Variants in PPP6R3 observed in about 807,000 individuals in gnomAD.
PPP6R3 encodes serine/threonine-protein phosphatase 6 regulatory subunit 3.
Under a neutral mutation model 110.7 loss-of-function variants are expected in PPP6R3, and 38 were observed. The ratio of observed to expected loss-of-function variants is 0.34; its 90% CI spans 0.26 to 0.45. The LOEUF (loss-of-function observed/expected upper bound fraction) is 0.45, where lower values mean the gene tolerates loss of function less well. PPP6R3 is among the 20% of genes least tolerant of loss of function. PPP6R3 has a pLI of 1.00. For synonymous variants in PPP6R3, 369 were observed against 373.5 expected (o/e 0.99, Z 0.14); for missense variants, 870 against 1,062.4 (o/e 0.82, Z 2.52).
rs770018481 is a variant in PPP6R3, at chr11:68,574,201, C to T, written c.1436C>T (p.Ala479Val). ...AGCACTGACAAGGGCCCCAACAGTG[C>T]ATTAGTGCAGCAGCTTATCAAAGGT... is the stretch of plus-strand genomic sequence containing the variant. The part of the protein sequence containing the change: ...VHSTDKGPNS[A>V]LVQQLIKDLP... The change falls in exon 13 of 24, where the codon GCA (alanine) becomes GTA (valine). Residue 479 changes from alanine (A) to valine (V), a missense_variant. Ala to Val is a moderately conservative substitution (Grantham distance 64, BLOSUM62 0). Coordinates refer to ENST00000393800, the MANE Select transcript of PPP6R3 (RefSeq NM_001164161.2). 7 of 1,613,610 alleles carry T rather than the reference C, an allele frequency of 4.3e-6. No individual in the cohort carries two copies. In the East Asian group the frequency reaches 8.9e-5, roughly 21 times the overall value.
At position 68,544,828 on chromosome 11, in the gene PPP6R3, GT is replaced by G; in HGVS notation, c.228-8del. ...ATAAAGATGATGATGTAAATATCCT[GT>G]TCTTCTAGGTATCCAAATATATCTT... On this transcript the variant is annotated splice_polypyrimidine_tract_variant and intron_variant, in intron 3 of 23. Coordinates refer to ENST00000393800, the MANE Select transcript of PPP6R3 (RefSeq NM_001164161.2). The G allele has an allele frequency of 1.3e-6, 2 of 1,557,676 alleles. No homozygotes were observed. The highest frequency in any genetic ancestry group is 1.1e-5 in the South Asian group (1 of 87,610).
At chr11:68,475,782 A>T (rs1456190308) in intron 1 of PPP6R3, among the ~76,000 whole-genome samples, 1 of 150,830 alleles carries the variant, frequency 6.6e-6, no homozygotes, top group Non-Finnish European at 1.5e-5. Flanking sequence ...CACTTCTCAG[A>T]CGGGGTGGCT....
intron 1 of PPP6R3, among the ~76,000 whole-genome samples, chr11:68,518,739 T>G (rs2099149291): frequency 6.6e-6 from 1 of 152,222 alleles, no homozygotes; most frequent in Non-Finnish European, 1.5e-5. Context: ...ATTATCTTAC[T>G]TGAGGGAAAA....
At chr11:68,509,915 A>C (rs1371724116) in intron 1 of PPP6R3, among the ~76,000 whole-genome samples, 1 of 150,366 alleles carries the variant, frequency 6.7e-6, no homozygotes, top group Non-Finnish European at 1.5e-5. Context: ...ACACTCGGCA[A>C]ATTTTTTTTT....
chr11:68,502,991 T>C (rs1176820076), intron 1 of PPP6R3, among the ~76,000 whole-genome samples: 1 of 152,226 alleles, frequency 6.6e-6, no homozygotes, highest in Admixed American at 6.5e-5. Flanking sequence ...TTGCCCAGGC[T>C]GGAGTGCAGT....
chr11:68,567,003 T>A lies in PPP6R3; in HGVS notation c.976-11T>A, dbSNP rs1394187209. ...TAACTGAATTTAATTGGAAAGCTTT[T>A]TCTTCTTCAGAAAAGTGTGATGAAG... is the stretch of plus-strand genomic sequence containing the variant. On this transcript the variant is annotated splice_polypyrimidine_tract_variant and intron_variant, in intron 9 of 23. Coordinates refer to ENST00000393800, the MANE Select transcript of PPP6R3 (RefSeq NM_001164161.2). 6.5e-7 allele frequency: 1 copy of A among 1,537,968 alleles called. No individual in the cohort carries two copies. Among genetic ancestry groups the A allele is most frequent in the Admixed American group, 2.1e-5 (1 of 47,692 alleles).
At chr11:68,465,161 C>A (rs2098736998) in intron 1 of PPP6R3, among the ~76,000 whole-genome samples, 1 of 152,186 alleles carries the variant, frequency 6.6e-6, no homozygotes, top group Admixed American at 6.5e-5. Context: ...GGATTACAGG[C>A]GTGAGCCACC....
intron 2 of PPP6R3, among the ~76,000 whole-genome samples, chr11:68,526,108 T>G (rs1256469558): frequency 6.6e-6 from 1 of 152,226 alleles, no homozygotes; most frequent in Non-Finnish European, 1.5e-5. Context: ...CTCCTCCAGT[T>G]ACCTGTTGCT....
In PPP6R3 at chr11:68,512,208, G is replaced by A. The variant is rs550125188; in HGVS notation, c.-157-7293G>A. ...ATAACAAAATATCATAGGCTGGGTG[G>A]CTTAAACAACAGAAATTTATTTTCT... On this transcript the variant is annotated intron_variant, in intron 1 of 23. Transcript: ENST00000393800. Among the ~76,000 whole-genome samples the A allele has an allele frequency of 5.3e-5, 8 of 152,292 alleles. No homozygotes were observed. In the South Asian group the frequency reaches 1.7e-3, roughly 32 times the overall value.
At chr11:68,612,794 G>A in intron 23 of PPP6R3, 1 of 488,326 alleles carries the variant, frequency 2.0e-6, no homozygotes, top group Non-Finnish European at 3.6e-6. Flanking sequence ...TGTGCTTCTT[G>A]GAGGCCGCGG....
chr11:68,613,109 C>T lies in PPP6R3; in HGVS notation c.2614C>T (p.Pro872Ser). The T allele has an allele frequency of 6.2e-7, 1 of 1,614,022 alleles. No individual in the cohort carries two copies. The highest frequency in any genetic ancestry group is 1.3e-5 in the African/African-American group (1 of 75,010). Residue 872 changes from proline (P) to serine (S), a missense_variant, in exon 24 of 24, where the codon CCT (proline) becomes TCT (serine). Pro to Ser is a moderately conservative substitution (Grantham distance 74). Transcript: ENST00000393800. The part of the protein sequence containing the change: ...SAPGDTSVNG[P>S]V ...ACCAGGTGACACTTCAGTGAATGGC[C>T]CTGTATGACGGGTGACGTCTGCTGC...
intron 18 of PPP6R3, among the ~76,000 whole-genome samples, chr11:68,595,347 C>A (rs1172618305): frequency 1.3e-5 from 2 of 151,304 alleles, no homozygotes; most frequent in Non-Finnish European, 2.9e-5. Flanking sequence ...TCTGGAGTAG[C>A]TGGAATTACA....
At chr11:68,595,021 A>G (rs967451231) in intron 18 of PPP6R3, among the ~76,000 whole-genome samples, 2 of 152,120 alleles carry the variant, frequency 1.3e-5, no homozygotes, top group Admixed American at 6.5e-5. Context: ...TCCATATTCA[A>G]AAAAGTGAAC....
rs550898994 is a variant in PPP6R3, at chr11:68,557,579, C to T, written c.732-987C>T. Among the ~76,000 whole-genome samples, 8 of 152,062 alleles carry T rather than the reference C, an allele frequency of 5.3e-5. No individual in the cohort carries two copies. The East Asian group carries it at 7.7e-4, about 15-fold the overall frequency. ...TGTCACCCAGGCTGGAGTGCAGTGG[C>T]GCGATCTCAGCTTACCGCAACCTCT... On this transcript the variant is annotated intron_variant, in intron 7 of 23. Coordinates refer to ENST00000393800, the MANE Select transcript of PPP6R3 (RefSeq NM_001164161.2).
chr11:68,492,991 C>G (rs2098993207), intron 1 of PPP6R3, among the ~76,000 whole-genome samples: 1 of 152,170 alleles, frequency 6.6e-6, no homozygotes, highest in East Asian at 1.9e-4. Flanking sequence ...TTATTTTCCA[C>G]ACTGTTTCTT....
chr11:68,558,817 A>G, intron 8 of PPP6R3, 138 bp downstream of exon 8: 1 of 640,764 alleles, frequency 1.6e-6, no homozygotes, highest in Non-Finnish European at 2.7e-6. Flanking sequence ...TATAAACCAT[A>G]GCCTAATTTT....
chr11:68,508,865 T>G (rs774893880), intron 1 of PPP6R3, among the ~76,000 whole-genome samples: 1 of 151,458 alleles, frequency 6.6e-6, no homozygotes, highest in African/African-American at 2.4e-5. Flanking sequence ...GTTGTATGAC[T>G]GTTGAGAAAA....
intron 18 of PPP6R3, among the ~76,000 whole-genome samples, chr11:68,594,322 A>AAGAGAGAGAGAGAGAG (rs535164223): frequency 1.3e-4 from 16 of 125,468 alleles, no homozygotes; most frequent in African/African-American, 2.7e-4. Context: ...GAGAGAGAAA[A>AAGAGAGAGAGAGAGAG]AGAGAGAGAG....
At chr11:68,604,479 C>G (rs148534062) in intron 22 of PPP6R3, among the ~76,000 whole-genome samples, 17 of 152,172 alleles carry the variant, frequency 1.1e-4, no homozygotes, top group Non-Finnish European at 1.9e-4. Context: ...TAGAAGTATT[C>G]CCTTTAAAGA....
Sources: gnomAD v4.1 joint callset for allele counts (sites outside exome capture counted in the v4.1 genomes callset) on GRCh38, gnomAD v4.1.1 for gene constraint, MANE v1.5 for transcripts, NCBI Gene and HGNC (gene_info 2026-07-23, HGNC 2026-07-21) for gene names.